PTPRJ: variants seen among roughly 807,000 people sequenced by gnomAD.
The protein encoded by PTPRJ is protein tyrosine phosphatase receptor type J.
In PTPRJ, 129 loss-of-function variants were observed where a neutral mutation model predicts 141.3. The observed-to-expected ratio is 0.91, with a 90% confidence interval of 0.79 to 1.06. PTPRJ has a LOEUF of 1.06. Ranked by LOEUF, PTPRJ falls within the 50% of genes least tolerant of loss-of-function variation. The pLI is 0.00. For missense variants in PTPRJ, 1,601 were observed against 1,679.7 expected (o/e 0.95, Z 0.82); for synonymous variants, 610 against 640.5 (o/e 0.95, Z 0.72).
intron 1 of PTPRJ, among the ~76,000 whole-genome samples, chr11:48,039,272 T>C: frequency 6.6e-6 from 1 of 152,030 alleles, no homozygotes; most frequent in Non-Finnish European, 1.5e-5. Context: ...CTTTAATCCT[T>C]ATATCTACCC....
chr11:48,017,982 C>T (rs1854993264), intron 1 of PTPRJ, among the ~76,000 whole-genome samples: 1 of 152,214 alleles, frequency 6.6e-6, no homozygotes, highest in South Asian at 2.1e-4. Context: ...AATGATGGCT[C>T]TGCCAGGCTG....
intron 1 of PTPRJ, among the ~76,000 whole-genome samples, chr11:48,037,809 GC>G (rs1241703202): frequency 6.6e-6 from 1 of 151,592 alleles, no homozygotes; most frequent in Non-Finnish European, 1.5e-5. Flanking sequence ...GCAAAACTCT[GC>G]CTCAAAAAAA....
At chr11:48,101,733 G>A (rs1590504085) in intron 1 of PTPRJ, among the ~76,000 whole-genome samples, 1 of 152,198 alleles carries the variant, frequency 6.6e-6, no homozygotes, top group African/African-American at 2.4e-5. Flanking sequence ...CCTGTTAGCT[G>A]TTTTTATCCG....
intron 1 of PTPRJ, among the ~76,000 whole-genome samples, chr11:48,103,012 C>G (rs1856188557): frequency 6.6e-6 from 1 of 152,280 alleles, no homozygotes; most frequent in South Asian, 2.1e-4. Flanking sequence ...CATTCTGGGA[C>G]TTACTTTCTT....
chr11:48,012,610 G>A (rs767737217), intron 1 of PTPRJ, among the ~76,000 whole-genome samples: 3 of 152,102 alleles, frequency 2.0e-5, no homozygotes, highest in Non-Finnish European at 2.9e-5. Flanking sequence ...AGCTGGGAAG[G>A]GAAAGATGCT....
At chr11:48,032,616 G>A (rs1189767103) in intron 1 of PTPRJ, among the ~76,000 whole-genome samples, 2 of 152,238 alleles carry the variant, frequency 1.3e-5, no homozygotes, top group Non-Finnish European at 2.9e-5. Flanking sequence ...AGAATTAGTC[G>A]GGCGTGGTGG....
At chr11:48,130,365 A>G in intron 7 of PTPRJ, 94 bp from the exon 8 acceptor site, 1 of 1,275,000 alleles carries the variant, frequency 7.8e-7, no homozygotes, top group Non-Finnish European at 1.1e-6. Context: ...AGGTGTCCTA[A>G]GTGTACATTT....
At chr11:48,141,336 G>C (rs1157913364) in intron 11 of PTPRJ, among the ~76,000 whole-genome samples, 1 of 151,868 alleles carries the variant, frequency 6.6e-6, no homozygotes, top group Admixed American at 6.6e-5. Flanking sequence ...GGCTTGGAAA[G>C]GGGGGGTGTG....
chr11:48,002,770 C>T (rs73462886), intron 1 of PTPRJ, among the ~76,000 whole-genome samples: 3,291 of 152,226 alleles, frequency 0.022, 115 homozygotes, highest in African/African-American at 0.075. Flanking sequence ...TTTTGATAAA[C>T]AGAAGAATGA....
intron 1 of PTPRJ, among the ~76,000 whole-genome samples, chr11:48,071,470 C>T (rs1040533939): frequency 6.6e-6 from 1 of 151,468 alleles, no homozygotes; most frequent in Non-Finnish European, 1.5e-5. Context: ...GCTCCTGCCA[C>T]CACGCCCGGC....
chr11:48,095,456 G>C (rs986737590), intron 1 of PTPRJ, among the ~76,000 whole-genome samples: 20 of 151,740 alleles, frequency 1.3e-4, no homozygotes, highest in African/African-American at 4.8e-4. Flanking sequence ...GTTTGAGAGG[G>C]AGAGAGAGAG....
chr11:48,120,135 C>T (rs748609187), intron 3 of PTPRJ, among the ~76,000 whole-genome samples: 6 of 152,116 alleles, frequency 3.9e-5, no homozygotes, highest in African/African-American at 1.2e-4. Flanking sequence ...AATAATTCTT[C>T]GTGTTTAGTG....
intron 24 of PTPRJ, among the ~76,000 whole-genome samples, chr11:48,165,136 G>T (rs772373870): frequency 2.0e-5 from 3 of 152,154 alleles, no homozygotes; most frequent in Admixed American, 1.3e-4. Context: ...TGGCTTCCAG[G>T]TTTTAAACTC....
intron 9 of PTPRJ, among the ~76,000 whole-genome samples, chr11:48,136,656 A>G (rs1186401792): frequency 6.6e-6 from 1 of 152,240 alleles, no homozygotes; most frequent in Non-Finnish European, 1.5e-5. Context: ...TGTTTTGCGA[A>G]TATTTGAATT....
At chr11:48,150,880 C>T (rs1400598568) in intron 18 of PTPRJ, among the ~76,000 whole-genome samples, 4 of 152,250 alleles carry the variant, frequency 2.6e-5, no homozygotes, top group Non-Finnish European at 5.9e-5. Context: ...CAGCACAGTG[C>T]ACATGCTGCT....
intron 18 of PTPRJ, among the ~76,000 whole-genome samples, chr11:48,150,717 A>C (rs4752910): frequency 0.98 from 149,591 of 152,286 alleles, 73,533 homozygotes; most frequent in Middle Eastern, 1. Flanking sequence ...TGCACAAGGA[A>C]TTTCTTGGCC....
intron 1 of PTPRJ, among the ~76,000 whole-genome samples, chr11:48,068,155 T>C (rs1855134925): frequency 6.6e-6 from 1 of 151,840 alleles, no homozygotes; most frequent in Non-Finnish European, 1.5e-5. Flanking sequence ...GATTGATTGA[T>C]TTATTGACTG....
Position 48,079,155 on chromosome 11 carries a change from T to TA in PTPRJ, c.97-30890dup, listed in dbSNP as rs56332476. 5.2e-3 allele frequency among the ~76,000 whole-genome samples: 746 copies of TA among 144,720 alleles called. 7 individuals carry two copies. The highest frequency in any genetic ancestry group is 0.016 in the African/African-American group (639 of 39,790). 94.9% of individuals were successfully genotyped at this position (144,720 alleles called of 152,430 possible). A position where few individuals can be genotyped will look rare whatever the true frequency, so the allele number is the denominator to read the frequency against. On this transcript the variant is annotated intron_variant, in intron 1 of 24. Coordinates refer to ENST00000418331, the MANE Select transcript of PTPRJ (RefSeq NM_002843.4). ...CCAACACTAACAATAGCTGATGAGC[T>TA]AAAAAAAAAAAAATCACAAAAAATC...
At chr11:48,016,474 T>C (rs533279836) in intron 1 of PTPRJ, among the ~76,000 whole-genome samples, 3 of 152,300 alleles carry the variant, frequency 2.0e-5, no homozygotes, top group Non-Finnish European at 2.9e-5. Flanking sequence ...ACAGTTCCAA[T>C]GTGAACCCAC....
Sources: allele counts gnomAD v4.1 joint callset (sites outside exome capture counted in the v4.1 genomes callset), GRCh38; gene constraint gnomAD v4.1.1; transcripts MANE v1.5; gene names NCBI Gene and HGNC (gene_info 2026-07-23, HGNC 2026-07-21).